The following SPTY2D1 variants were observed in gnomAD, a reference collection of about 807,000 sequenced individuals.
SPTY2D1 encodes protein SPT2 homolog.
Under a neutral mutation model 64.0 loss-of-function variants are expected in SPTY2D1, and 21 were observed. The ratio of observed to expected loss-of-function variants is 0.33; its 90% CI spans 0.23 to 0.47. The LOEUF is 0.47. Among genes scored for constraint, SPTY2D1 ranks in the 20% least tolerant of loss-of-function variants. The pLI is 1.00. For missense variants in SPTY2D1, 724 were observed against 837.2 expected (o/e 0.86, Z 1.67); for synonymous variants, 287 against 286.8 (o/e 1.00, Z -0.01).
At chr11:18,628,848 AC>A (rs1854540639) in intron 1 of SPTY2D1, among the ~76,000 whole-genome samples, 1 of 152,374 alleles carries the variant, frequency 6.6e-6, no homozygotes, top group African/African-American at 2.4e-5. Flanking sequence ...AGAAAATGTA[AC>A]TACTATGCAA....
At chr11:18,624,833 T>C (rs1457382311) in intron 1 of SPTY2D1, among the ~76,000 whole-genome samples, 1 of 152,088 alleles carries the variant, frequency 6.6e-6, no homozygotes. Flanking sequence ...ACCCCATCTC[T>C]ACTAAAAATA....
At chr11:18,614,542 T>C (rs780020353) in intron 3 of SPTY2D1, 21 bp downstream of exon 3, 29 of 1,585,066 alleles carry the variant, frequency 1.8e-5, no homozygotes, top group Middle Eastern at 1.7e-4. Context: ...ATATACTCTT[T>C]CGGGTGAGGG....
intron 1 of SPTY2D1, among the ~76,000 whole-genome samples, chr11:18,624,417 CTTT>C (rs1208601098): frequency 1.3e-5 from 2 of 152,166 alleles, no homozygotes; most frequent in Non-Finnish European, 2.9e-5. Context: ...ACAAGAGTTT[CTTT>C]TATCCTAAGC....
At chr11:18,613,629 G>A (rs1294040489) in intron 3 of SPTY2D1, among the ~76,000 whole-genome samples, 1 of 152,140 alleles carries the variant, frequency 6.6e-6, no homozygotes, top group African/African-American at 2.4e-5. Flanking sequence ...AGAATCAATG[G>A]TCTAGTTGAA....
At chr11:18,628,275 T>G (rs1308354190) in intron 1 of SPTY2D1, among the ~76,000 whole-genome samples, 4 of 152,230 alleles carry the variant, frequency 2.6e-5, no homozygotes, top group Non-Finnish European at 5.9e-5. Flanking sequence ...CATTTGGCTA[T>G]TATGAATAAT....
At chr11:18,630,577 T>C (rs1854572229) in intron 1 of SPTY2D1, among the ~76,000 whole-genome samples, 2 of 152,194 alleles carry the variant, frequency 1.3e-5, no homozygotes, top group South Asian at 2.1e-4. Context: ...TTCCTTACCA[T>C]AGTAAAGGTC....
At chr11:18,626,980 G>T (rs1459973106) in intron 1 of SPTY2D1, among the ~76,000 whole-genome samples, 1 of 152,160 alleles carries the variant, frequency 6.6e-6, no homozygotes, top group East Asian at 1.9e-4. Context: ...AGTCTATTTG[G>T]GGCTTCTAAA....
Position 18,612,727 on chromosome 11 carries a change from C to T in SPTY2D1, c.1712-239G>A, listed in dbSNP as rs954678283. ...GTTACATTTTCTAGCTTAGTAGTGC[C>T]AATATTTCTGAATTTATAAGATCAG... On this transcript the variant is annotated intron_variant, in intron 3 of 5. Transcript: ENST00000336349. The surrounding 1 kb of genome is among the most constrained non-coding windows in gnomAD (Gnocchi z 4.6). Among the ~76,000 whole-genome samples the T allele has an allele frequency of 8.6e-5, 13 of 151,636 alleles. No homozygotes were observed. The highest frequency in any genetic ancestry group is 1.9e-4 in the Non-Finnish European group (13 of 67,934).
chr11:18,612,245 A>C lies in SPTY2D1; in HGVS notation c.1886+69T>G. ...TCAGTGCCTCCACTATTAGTTTATT[A>C]CCCCATGACATGAATTATTCAAAAT... On this transcript the variant is annotated intron_variant, in intron 4 of 5. Transcript: ENST00000336349. This position sits in a 1 kb window ranked among gnomAD's most constrained non-coding sequence, Gnocchi z 4.6. The C allele has an allele frequency of 3.0e-6, 4 of 1,315,066 alleles. No individual in the cohort carries two copies. Among genetic ancestry groups the C allele is most frequent in the Non-Finnish European group, 3.1e-6 (3 of 966,692 alleles). 81.5% of individuals were successfully genotyped at this position (1,315,066 alleles called of 1,614,324 possible).
chr11:18,614,418 G>T, intron 3 of SPTY2D1, 145 bp downstream of exon 3: 1 of 822,774 alleles, frequency 1.2e-6, no homozygotes, highest in Non-Finnish European at 1.9e-6. Context: ...CAACCACAAG[G>T]CAGATAAAAC....
At chr11:18,613,485 C>T (rs1712274878) in intron 3 of SPTY2D1, among the ~76,000 whole-genome samples, 2 of 152,190 alleles carry the variant, frequency 1.3e-5, no homozygotes, top group African/African-American at 4.8e-5. Context: ...TAATTCTTTG[C>T]TGTCAGGGGG....
intron 1 of SPTY2D1, among the ~76,000 whole-genome samples, chr11:18,620,802 G>C (rs1854382713): frequency 6.8e-6 from 1 of 146,124 alleles, no homozygotes; most frequent in Non-Finnish European, 1.5e-5. Flanking sequence ...CAGGAGAATG[G>C]CGTGAACCTG....
chr11:18,610,085 C>T, intron 5 of SPTY2D1, 131 bp from the exon 6 acceptor site: 1 of 689,934 alleles, frequency 1.4e-6, no homozygotes, highest in South Asian at 2.3e-5. Flanking sequence ...AAGGCTTTAC[C>T]ACTGAAAACA....
rs1009889875 is a variant in SPTY2D1, at chr11:18,626,424, CAAACA to C, written c.60+7769_60+7773del. On this transcript the variant is annotated intron_variant, in intron 1 of 5. Transcript: ENST00000336349. Reference sequence around the variant, plus strand: ...GAATGTCATTAAAAAACAAAACAAACAAACAAAAAAAAAAAACAGAGTTACTGCCT... The same window carrying C: ...GAATGTCATTAAAAAACAAAACAAACAAAAAAAAAAACAGAGTTACTGCCT... Among the ~76,000 whole-genome samples, 5 of 39,096 alleles carry C rather than the reference CAAACA, an allele frequency of 1.3e-4. No individual in the cohort carries two copies. The South Asian group carries it at 4.7e-3, about 37-fold the overall frequency. 25.6% of individuals were successfully genotyped at this position (39,096 alleles called of 152,430 possible).
Position 18,616,100 on chromosome 11 carries a change from T to TA in SPTY2D1, c.176-3dup. On this transcript the variant is annotated splice_region_variant and splice_polypyrimidine_tract_variant and intron_variant, in intron 2 of 5. Coordinates refer to ENST00000336349, the MANE Select transcript of SPTY2D1 (RefSeq NM_194285.3). The stretch of plus-strand genomic sequence containing the variant: ...CTTTTCTCCTTTTCTCCTCTAAGGC[T>TA]AAAAGGGACAAAACAAGAATATGTT... 6.3e-7 allele frequency: 1 copy of TA among 1,591,052 alleles called. No individual in the cohort carries two copies. The highest frequency in any genetic ancestry group is 8.5e-7 in the Non-Finnish European group (1 of 1,169,762).
intron 1 of SPTY2D1, among the ~76,000 whole-genome samples, chr11:18,630,460 C>G (rs373995571): frequency 6.6e-6 from 1 of 152,080 alleles, no homozygotes; most frequent in African/African-American, 2.4e-5. Flanking sequence ...GGTGACAGAA[C>G]GAGACTCGTC....
intron 1 of SPTY2D1, among the ~76,000 whole-genome samples, chr11:18,620,662 G>A (rs7936762): frequency 0.058 from 8,821 of 151,724 alleles, 849 homozygotes; most frequent in African/African-American, 0.2. Context: ...CAAGGCGGGC[G>A]GATCATGAGG....
chr11:18,627,264 A>C (rs1465938545), intron 1 of SPTY2D1, among the ~76,000 whole-genome samples: 1 of 149,400 alleles, frequency 6.7e-6, no homozygotes, highest in East Asian at 2.0e-4. Flanking sequence ...AATACAAAAA[A>C]AAAAAAAAAA....
At position 18,615,000 on chromosome 11, in the gene SPTY2D1, G is replaced by C. The variant is rs569387737; in HGVS notation, c.1274C>G (p.Ser425Cys). Residue 425 changes from serine to cysteine, a missense_variant, in exon 3 of 6, where the codon TCT (serine) becomes TGT (cysteine). Transcript: ENST00000336349. ...ACATGTACCACTGACTGTCCGCCTA[G>C]AGGGATTTGAGTCATTGGTTGGCTT... Reference protein sequence around the residue: ...SKKPTNDSNPSRRTVSGTCGP... With the variant: ...SKKPTNDSNPCRRTVSGTCGP... The C allele has an allele frequency of 5.5e-5, 88 of 1,614,166 alleles. No individual in the cohort carries two copies. The East Asian group carries it at 1.2e-3, about 22-fold the overall frequency.
Sources: gnomAD v4.1 joint callset for allele counts (sites outside exome capture counted in the v4.1 genomes callset) on GRCh38, gnomAD v4.1.1 for gene constraint, Gnocchi (gnomAD v3.1) non-coding constraint, MANE v1.5 for transcripts, NCBI Gene and HGNC (gene_info 2026-07-23, HGNC 2026-07-21) for gene names.